ARHGEF4: variants seen among roughly 807,000 people sequenced by gnomAD.
ARHGEF4 encodes the protein Rho guanine nucleotide exchange factor 4, also known as APC-stimulated guanine nucleotide exchange factor 1.
A neutral mutation model predicts 162.0 loss-of-function variants in ARHGEF4; 119 were observed. The observed-to-expected ratio is 0.73, with a 90% confidence interval of 0.63 to 0.86. The LOEUF (loss-of-function observed/expected upper bound fraction) is 0.86, where lower values mean the gene tolerates loss of function less well. Among genes scored for constraint, ARHGEF4 ranks in the 40% least tolerant of loss-of-function variants. The probability of loss-of-function intolerance (pLI) is 0.00; values close to 1 mark genes in which losing one functional copy is unlikely to be tolerated. For synonymous variants in ARHGEF4, 1,014 were observed against 979.9 expected (o/e 1.03, Z -0.65); for missense variants, 2,488 against 2,456.0 (o/e 1.01, Z -0.28).
chr2:130,977,440 G>GTATGTTGCGTGTGTGTGTAGTGTT (rs1167357307), intron 4 of ARHGEF4, among the ~76,000 whole-genome samples: 58 of 151,836 alleles, frequency 3.8e-4, no homozygotes, highest in African/African-American at 1.4e-3. Context: ...TCTATGTGGT[G>GTATGTTGCGTGTGTGTGTAGTGTT]TATGTTGCGT....
In ARHGEF4 at chr2:131,041,343, G is replaced by A. The variant is rs1210177618; in HGVS notation, c.4776G>A (p.Arg1592=). The A allele has an allele frequency of 1.9e-6, 3 of 1,613,592 alleles. No homozygotes were observed. Among genetic ancestry groups the A allele is most frequent in the Non-Finnish European group, 2.5e-6 (3 of 1,180,052 alleles). ...SKYVYFFEAC[R]LLQKMIDISL... Reference sequence around the variant, plus strand: ...ACGTGTACTTCTTCGAGGCCTGCCGGCTGCTGCAGAAGATGATTGACATCT... The same window carrying A: ...ACGTGTACTTCTTCGAGGCCTGCCGACTGCTGCAGAAGATGATTGACATCT... The change falls in exon 9 of 14, where the codon CGG becomes CGA. Residue 1592 remains arginine, a synonymous_variant. Transcript: ENST00000409359.
intron 1 of ARHGEF4, among the ~76,000 whole-genome samples, chr2:130,844,461 G>A (rs981841380): frequency 6.6e-5 from 10 of 152,238 alleles, no homozygotes; most frequent in African/African-American, 2.4e-4. Context: ...ACCCTGGCTA[G>A]CTTGAAATGC....
chr2:131,038,984 G>C lies in ARHGEF4; in HGVS notation c.4257G>C (p.Trp1419Cys). 6.2e-7 allele frequency: 1 copy of C among 1,613,650 alleles called. No homozygotes were observed. Among genetic ancestry groups the C allele is most frequent in the Non-Finnish European group, 8.5e-7 (1 of 1,179,950 alleles). The change falls in exon 6 of 14, where the codon TGG (tryptophan) becomes TGC (cysteine). Residue 1419 changes from tryptophan (W) to cysteine (C), a missense_variant. By Grantham distance (215) the Trp-to-Cys change is radical. Coordinates refer to ENST00000409359, the MANE Select transcript of ARHGEF4 (RefSeq NM_001367493.1). ...ATGCCACCAACAGAGAGTGGTGGTG[G>C]GGCCGGGTCGCCGATGGCGAGGGCT... ...VMDATNREWW[W>C]GRVADGEGWF...
chr2:130,864,147 C>T (rs1468244142), intron 1 of ARHGEF4, among the ~76,000 whole-genome samples: 2 of 151,496 alleles, frequency 1.3e-5, no homozygotes, highest in Non-Finnish European at 2.9e-5. Context: ...GATTGCACCA[C>T]TGCTCTCCAG....
chr2:130,950,158 C>A (rs905722908), intron 4 of ARHGEF4, among the ~76,000 whole-genome samples: 5 of 152,190 alleles, frequency 3.3e-5, no homozygotes, highest in African/African-American at 9.7e-5. Context: ...CATGAGTCAG[C>A]GCCTAGAGGC....
intron 8 of ARHGEF4, 36 bp from the exon 9 acceptor site, chr2:131,041,194 C>T: frequency 6.3e-7 from 1 of 1,583,694 alleles, no homozygotes; most frequent in Non-Finnish European, 8.6e-7. Context: ...GTGGGAGCAG[C>T]AGAGAGCTCT....
At chr2:131,012,732 C>A (rs1336284203) in intron 4 of ARHGEF4, among the ~76,000 whole-genome samples, 2 of 152,168 alleles carry the variant, frequency 1.3e-5, no homozygotes, top group Non-Finnish European at 2.9e-5. Context: ...AGGCACATGC[C>A]AGCAACCCCA....
At chr2:131,030,695 G>A (rs936009844) in intron 5 of ARHGEF4, among the ~76,000 whole-genome samples, 1 of 152,228 alleles carries the variant, frequency 6.6e-6, no homozygotes, top group Non-Finnish European at 1.5e-5. Context: ...GCAGTAAGAA[G>A]GGCAGGCCTG....
intron 2 of ARHGEF4, among the ~76,000 whole-genome samples, chr2:130,920,874 C>T (rs1681831377): frequency 6.6e-6 from 1 of 152,120 alleles, no homozygotes. Context: ...TTCTTTAAAG[C>T]TTTTCAAAGT....
chr2:130,999,425 G>C (rs761138324), intron 4 of ARHGEF4, among the ~76,000 whole-genome samples: 6 of 152,008 alleles, frequency 3.9e-5, no homozygotes, highest in African/African-American at 9.7e-5. Context: ...CAAAGTGCTG[G>C]GATTACAGGC....
chr2:131,040,048 C>A lies in ARHGEF4; in HGVS notation c.4338C>A (p.Asp1446Glu), dbSNP rs150958124. ...LRVNQDEPADDDAPLAGNSGA... is the reference protein window; with the variant it reads ...LRVNQDEPADEDAPLAGNSGA... Reference sequence around the variant, plus strand: ...TGAATCAGGACGAGCCCGCGGATGACGACGCCCCTCTGGCCGGGAACAGCG... The same window carrying A: ...TGAATCAGGACGAGCCCGCGGATGAAGACGCCCCTCTGGCCGGGAACAGCG... The change falls in exon 7 of 14, where the codon GAC becomes GAA. Residue 1446 changes from aspartate to glutamate, a missense_variant. Asp to Glu is a conservative substitution (Grantham distance 45, BLOSUM62 2). This residue lies in a region of ARHGEF4 where 174 missense variants were observed against 148.3 expected (regional missense o/e 1.17). Coordinates refer to ENST00000409359, the MANE Select transcript of ARHGEF4 (RefSeq NM_001367493.1). 3.2e-6 allele frequency: 5 copies of A among 1,579,054 alleles called. No individual in the cohort carries two copies. The African/African-American group carries it at 5.4e-5, about 17-fold the overall frequency.
Position 130,916,360 on chromosome 2 carries a change from C to A in ARHGEF4, c.2414C>A (p.Pro805His), listed in dbSNP as rs562500073. 2.9e-5 allele frequency: 44 copies of A among 1,542,006 alleles called. No individual in the cohort carries two copies. In the African/African-American group the frequency reaches 5.8e-4, roughly 20 times the overall value. Residue 805 changes from proline (P) to histidine (H), a missense_variant, in exon 2 of 14, where the codon CCC (proline) becomes CAC (histidine). By Grantham distance (77) the Pro-to-His change is moderately conservative. This residue lies in a region of ARHGEF4 where 1,642 missense variants were observed against 1,481.5 expected (regional missense o/e 1.11). Transcript: ENST00000409359. Reference sequence around the variant, plus strand: ...GTGACCTCCTTCAGGAAGGGCAGGCCCTTGGCCACTGAGAGCCCAGGAGGG... The same window carrying A: ...GTGACCTCCTTCAGGAAGGGCAGGCACTTGGCCACTGAGAGCCCAGGAGGG... ...SKVTSFRKGR[P>H]LATESPGGVP...
At chr2:130,844,626 T>A (rs1287178750) in intron 1 of ARHGEF4, among the ~76,000 whole-genome samples, 17 of 152,106 alleles carry the variant, frequency 1.1e-4, no homozygotes, top group Non-Finnish European at 2.5e-4. Context: ...TTTGTGATGG[T>A]GATGGCCCCT....
chr2:130,946,385 T>G, intron 3 of ARHGEF4, 124 bp from the exon 4 acceptor site: 1 of 1,191,806 alleles, frequency 8.4e-7, no homozygotes. Flanking sequence ...GAGCTGTGCA[T>G]ATTTTGGTTG....
intron 1 of ARHGEF4, among the ~76,000 whole-genome samples, chr2:130,885,596 G>A (rs1277520228): frequency 1.6e-5 from 2 of 123,262 alleles, no homozygotes; most frequent in African/African-American, 3.2e-5. Context: ...TTTAGATGGA[G>A]TCTCCCTCTG....
At chr2:130,984,688 T>TAAA (rs78222237) in intron 4 of ARHGEF4, among the ~76,000 whole-genome samples, 8,366 of 137,350 alleles carry the variant, frequency 0.061, 518 homozygotes, top group East Asian at 0.17. Context: ...GGCTCTGTCT[T>TAAA]AAAAAAAAAA....
intron 1 of ARHGEF4, among the ~76,000 whole-genome samples, chr2:130,844,141 G>A (rs894600449): frequency 5.3e-5 from 8 of 152,216 alleles, no homozygotes; most frequent in Non-Finnish European, 7.3e-5. Flanking sequence ...TGCTTCTCCC[G>A]CTGAGCGCAA....
chr2:131,035,995 A>G (rs1057437916), intron 5 of ARHGEF4, among the ~76,000 whole-genome samples: 2 of 152,128 alleles, frequency 1.3e-5, no homozygotes, highest in African/African-American at 4.8e-5. Context: ...GTGCACCTCC[A>G]TTGGGACCTT....
At chr2:131,009,661 C>T (rs1287609447) in intron 4 of ARHGEF4, among the ~76,000 whole-genome samples, 1 of 152,018 alleles carries the variant, frequency 6.6e-6, no homozygotes, top group African/African-American at 2.4e-5. Flanking sequence ...TATTTTGATA[C>T]TGTATTCTCC....
Sources: gnomAD v4.1 joint callset for allele counts (sites outside exome capture counted in the v4.1 genomes callset) on GRCh38, gnomAD v4.1.1 for gene constraint, gnomAD v4.1.1 regional missense constraint, MANE v1.5 for transcripts, NCBI Gene and HGNC (gene_info 2026-07-23, HGNC 2026-07-21) for gene names.